The following BCL11A variants were observed in gnomAD, a reference collection of about 807,000 sequenced individuals.
The protein encoded by BCL11A is BCL11 transcription factor A, also known as B cell CLL/lymphoma 11A.
Under a neutral mutation model 55.9 loss-of-function variants are expected in BCL11A, and 2 were observed. The observed-to-expected ratio is 0.04, with a 90% CI of 0.01 to 0.11. The LOEUF (loss-of-function observed/expected upper bound fraction) is 0.11. Among genes scored for constraint, BCL11A ranks in the 10% least tolerant of loss-of-function variants. The pLI is 1.00. For synonymous variants in BCL11A, 465 were observed against 473.4 expected, an observed-to-expected ratio of 0.98 and a Z score of 0.23; for missense variants, 817 against 1,137.1, an observed-to-expected ratio of 0.72 and a Z score of 4.05.
chr2:60,469,093 A>G (rs1677051680), intron 2 of BCL11A, among the ~76,000 whole-genome samples: 2 of 152,148 alleles, frequency 1.3e-5, no homozygotes, highest in Non-Finnish European at 2.9e-5. Context: ...TCTTTGGTTC[A>G]TTTGCTTATT....
intron 2 of BCL11A, among the ~76,000 whole-genome samples, chr2:60,479,350 GTCTC>G (rs986084024): frequency 1.3e-5 from 2 of 152,178 alleles, no homozygotes; most frequent in African/African-American, 4.8e-5. Flanking sequence ...TTTGTTTTGA[GTCTC>G]TCTAAGACTG....
chr2:60,471,589 G>A lies in BCL11A; in HGVS notation c.386-2756C>T, dbSNP rs142831951. 2.0e-3 allele frequency among the ~76,000 whole-genome samples: 301 copies of A among 152,318 alleles called. 1 individual carries two copies. Among genetic ancestry groups the A allele is most frequent in the South Asian group, 5.8e-3 (28 of 4,830 alleles). ...ATTAATGCTTCTGAGCGTCAAACTC[G>A]AGGAGCAGCTCTGCCTTCCCAGGCC... On this transcript the variant is annotated intron_variant, in intron 2 of 3. Coordinates refer to ENST00000642384, the MANE Select transcript of BCL11A (RefSeq NM_022893.4).
At chr2:60,551,520 A>G (rs765340647) in intron 1 of BCL11A, among the ~76,000 whole-genome samples, 17 of 152,060 alleles carry the variant, frequency 1.1e-4, no homozygotes, top group Non-Finnish European at 2.4e-4. Context: ...GCACGTGGTG[A>G]CCTCCTCGCG....
intron 2 of BCL11A, among the ~76,000 whole-genome samples, chr2:60,532,052 C>T (rs1195007525): frequency 6.6e-6 from 1 of 152,164 alleles, no homozygotes; most frequent in Admixed American, 6.5e-5. Context: ...AGCCTCACGC[C>T]TCACCCCAGC....
chr2:60,487,408 T>C (rs2104266766), intron 2 of BCL11A, among the ~76,000 whole-genome samples: 1 of 152,240 alleles, frequency 6.6e-6, no homozygotes, highest in Admixed American at 6.5e-5. Flanking sequence ...AGTTACGTTT[T>C]CGTCATCTGT....
chr2:60,517,137 G>A lies in BCL11A; in HGVS notation c.385+28834C>T, dbSNP rs113798822. Among the ~76,000 whole-genome samples the A allele has an allele frequency of 5.1e-3, 780 of 152,322 alleles. 7 individuals carry two copies. Among genetic ancestry groups the A allele is most frequent in the African/African-American group, 0.018 (744 of 41,570 alleles). On this transcript the variant is annotated intron_variant, in intron 2 of 3. Coordinates refer to ENST00000642384, the MANE Select transcript of BCL11A (RefSeq NM_022893.4). ...GTAGACAAAAGGAAGGATTTCCTGCGATTGAGAGGTGTCTTTAAAAATAGA... is the reference window on the plus strand; with the variant it reads ...GTAGACAAAAGGAAGGATTTCCTGCAATTGAGAGGTGTCTTTAAAAATAGA...
At chr2:60,498,984 G>A (rs1284353954) in intron 2 of BCL11A, among the ~76,000 whole-genome samples, 1 of 152,194 alleles carries the variant, frequency 6.6e-6, no homozygotes, top group Non-Finnish European at 1.5e-5. Context: ...ATGAGAGGCA[G>A]GGCCAGTGTT....
intron 2 of BCL11A, among the ~76,000 whole-genome samples, chr2:60,493,445 C>A (rs1209867864): frequency 6.6e-6 from 1 of 152,082 alleles, no homozygotes; most frequent in Admixed American, 6.5e-5. Context: ...GAGTTCAACT[C>A]CAAACCCTAT....
intron 2 of BCL11A, among the ~76,000 whole-genome samples, chr2:60,514,075 C>A (rs1439452705): frequency 6.6e-6 from 1 of 152,214 alleles, no homozygotes; most frequent in Non-Finnish European, 1.5e-5. Flanking sequence ...GGACTCTGAG[C>A]CACACCAGCC....
intron 2 of BCL11A, among the ~76,000 whole-genome samples, chr2:60,521,362 C>A (rs1668985147): frequency 6.6e-6 from 1 of 152,204 alleles, no homozygotes; most frequent in African/African-American, 2.4e-5. Context: ...GGGACCCGGG[C>A]CTGGGCCTGG....
downstream of BCL11A, among the ~76,000 whole-genome samples, chr2:60,454,298 T>C (rs1239854986): frequency 6.6e-6 from 1 of 152,160 alleles, no homozygotes; most frequent in Non-Finnish European, 1.5e-5. Context: ...TATTGGGAAA[T>C]ATGCAGGGCT....
At chr2:60,500,242 G>A (rs914521125) in intron 2 of BCL11A, among the ~76,000 whole-genome samples, 3 of 152,216 alleles carry the variant, frequency 2.0e-5, no homozygotes, top group Admixed American at 2.0e-4. Context: ...TGTGAGAGCG[G>A]TGGTCTTGAG....
At chr2:60,549,437 AAAAGC>A (rs1670294936) in intron 1 of BCL11A, among the ~76,000 whole-genome samples, 1 of 152,176 alleles carries the variant, frequency 6.6e-6, no homozygotes, top group African/African-American at 2.4e-5. Flanking sequence ...TTCAGAGAGG[AAAAGC>A]AAAGAAACAA....
chr2:60,551,536 G>C (rs1375060030), intron 1 of BCL11A, among the ~76,000 whole-genome samples: 4 of 152,250 alleles, frequency 2.6e-5, no homozygotes, highest in Non-Finnish European at 5.9e-5. Context: ...TCGCGGTCCC[G>C]AGCTGTGGAC....
downstream of BCL11A, among the ~76,000 whole-genome samples, chr2:60,456,035 C>T (rs1675921077): frequency 6.6e-6 from 1 of 152,136 alleles, no homozygotes; most frequent in Admixed American, 6.6e-5. Context: ...CCTCTAGCCC[C>T]ACTCTCTCCT....
At position 60,460,321 on chromosome 2, in the gene BCL11A, A is replaced by T. The variant is rs913341742; in HGVS notation, c.*83T>A. 6.2e-5 allele frequency: 94 copies of T among 1,512,118 alleles called. No homozygotes were observed. The highest frequency in any genetic ancestry group is 8.2e-5 in the Non-Finnish European group (93 of 1,130,054). 93.7% of individuals were successfully genotyped at this position (1,512,118 alleles called of 1,614,324 possible). A position where few individuals can be genotyped will look rare whatever the true frequency, so the allele number is the denominator to read the frequency against. On this transcript the variant is annotated 3_prime_UTR_variant, in exon 4 of 4. Coordinates refer to ENST00000642384, the MANE Select transcript of BCL11A (RefSeq NM_022893.4). ...GGGACTAGAAAAAAATCCTACAGGG[A>T]GTGGGGCTGGAGGGCGATGGGGAAG... is the stretch of plus-strand genomic sequence containing the variant.
chr2:60,480,154 G>A (rs921313399), intron 2 of BCL11A, among the ~76,000 whole-genome samples: 13 of 152,212 alleles, frequency 8.5e-5, no homozygotes, highest in African/African-American at 3.1e-4. Flanking sequence ...AGGTGGGGGT[G>A]GAGGAGCTGG....
rs6708767 is a variant in BCL11A at position 60,521,156 on chromosome 2, T to C, written c.385+24815A>G. Reference sequence around the variant, plus strand: ...AAATCCTTGAGGGTGCCAGGTTACATTTCTACAACAGCTGCCTTCCATTGT... The same window carrying C: ...AAATCCTTGAGGGTGCCAGGTTACACTTCTACAACAGCTGCCTTCCATTGT... On this transcript the variant is annotated intron_variant, in intron 2 of 3. Coordinates refer to ENST00000642384, the MANE Select transcript of BCL11A (RefSeq NM_022893.4). Among the ~76,000 whole-genome samples the C allele has an allele frequency of 2.4e-3, 359 of 152,000 alleles. 2 individuals are homozygous for C. The highest frequency in any genetic ancestry group is 8.5e-3 in the African/African-American group (353 of 41,440).
intron 2 of BCL11A, among the ~76,000 whole-genome samples, chr2:60,491,757 C>T (rs1289083098): frequency 6.6e-6 from 1 of 151,632 alleles, no homozygotes; most frequent in Non-Finnish European, 1.5e-5. Flanking sequence ...CACGTCAAAA[C>T]ACCCTAGGCA....
Sources: allele counts gnomAD v4.1 joint callset (sites outside exome capture counted in the v4.1 genomes callset), GRCh38; gene constraint gnomAD v4.1.1; transcripts MANE v1.5; gene names NCBI Gene and HGNC (gene_info 2026-07-23, HGNC 2026-07-21).